The following DNHD1 variants were observed in gnomAD, a reference collection of about 807,000 sequenced individuals.
DNHD1 encodes dynein heavy chain domain-containing protein 1.
In DNHD1, 383 loss-of-function variants were observed where a neutral mutation model predicts 458.1. The observed-to-expected ratio is 0.84, with a 90% CI of 0.77 to 0.91. The LOEUF is 0.91. Among genes scored for constraint, DNHD1 ranks in the 40% least tolerant of loss-of-function variants. DNHD1 has a pLI of 0.00. For synonymous variants in DNHD1, 2,203 were observed against 2,376.9 expected, an observed-to-expected ratio of 0.93 and a Z score of 2.13; for missense variants, 5,336 against 5,866.1, an observed-to-expected ratio of 0.91 and a Z score of 2.95.
intron 14 of DNHD1, among the ~76,000 whole-genome samples, chr11:6,534,593 AGT>A (rs1172870679): frequency 6.6e-6 from 1 of 152,202 alleles, no homozygotes; most frequent in Non-Finnish European, 1.5e-5. Flanking sequence ...TCCTCCAGCC[AGT>A]GTGGTATAGA....
In DNHD1 at chr11:6,565,862, G is replaced by A. The variant is rs1230362580; in HGVS notation, c.10924G>A (p.Glu3642Lys). The change falls in exon 33 of 43, where the codon GAG (glutamate) becomes AAG (lysine). Residue 3642 changes from glutamate to lysine, a missense_variant. Around this residue, in one of 4 missense-constraint regions of DNHD1, gnomAD observed 695 missense variants for 804.2 expected, o/e 0.86. Transcript: ENST00000254579. Reference sequence around the variant, plus strand: ...GCAAGAGGAAAATGAAGAGAAAGAGGAGGAGAAGACAGAGAGCCAGGGGTC... The same window carrying A: ...GCAAGAGGAAAATGAAGAGAAAGAGAAGGAGAAGACAGAGAGCCAGGGGTC... ...KEQEENEEKE[E>K]EKTESQGSKP... is the part of the protein sequence containing the mutation. The A allele has an allele frequency of 6.4e-7, 1 of 1,551,660 alleles. No individual in the cohort carries two copies. Among genetic ancestry groups the A allele is most frequent in the Non-Finnish European group, 8.7e-7 (1 of 1,146,990 alleles).
At chr11:6,568,995 G>A in intron 39 of DNHD1, 129 bp downstream of exon 39, 1 of 1,141,384 alleles carries the variant, frequency 8.8e-7, no homozygotes, top group Non-Finnish European at 1.2e-6. Context: ...GGGAAGTCAA[G>A]GAAGGCTTCT....
rs867022582 is a variant in DNHD1, at chr11:6,556,854, G to A, written c.7559G>A (p.Arg2520Gln). ...CERPLCPRLF[R>Q]LFTVLALESM... is the part of the protein sequence containing the mutation. ...CGCCCACTGTGTCCACGCCTCTTTC[G>A]ACTCTTCACAGTCCTGGCCCTGGAA... Residue 2520 changes from arginine to glutamine, a missense_variant, in exon 25 of 43, where the codon CGA (arginine) becomes CAA (glutamine). This residue lies in a region of DNHD1 where 3,932 missense variants were observed against 4,365.6 expected (regional missense o/e 0.90). Coordinates refer to ENST00000254579, the MANE Select transcript of DNHD1 (RefSeq NM_144666.3). 5.2e-6 allele frequency: 8 copies of A among 1,551,568 alleles called. No homozygotes were observed. In the East Asian group the frequency reaches 1.7e-4, roughly 33 times the overall value.
chr11:6,566,967 G>A lies in DNHD1; in HGVS notation c.11458G>A (p.Val3820Met), dbSNP rs562926080. 2.5e-6 allele frequency: 4 copies of A among 1,613,994 alleles called. No individual in the cohort carries two copies. The highest frequency in any genetic ancestry group is 4.5e-5 in the East Asian group (2 of 44,884). The stretch of plus-strand genomic sequence containing the variant: ...GCCAGCCAAGTTTCTGCGGAACATA[G>A]TGAGGGCCCAAGGAAAGCTATGCCA... ...QKPAKFLRNI[V>M]RAQGKLCQLR... Residue 3820 changes from valine (V) to methionine (M), a missense_variant, in exon 36 of 43, where the codon GTG becomes ATG. By Grantham distance (21) the Val-to-Met change is conservative. Transcript: ENST00000254579.
intron 24 of DNHD1, among the ~76,000 whole-genome samples, chr11:6,555,544 G>A (rs561874831): frequency 6.6e-6 from 1 of 152,154 alleles, no homozygotes; most frequent in African/African-American, 2.4e-5. Context: ...GTTAGGGCAG[G>A]GTTGTTGGCT....
Position 6,570,380 on chromosome 11 carries a change from G to C in DNHD1, c.13089G>C (p.Thr4363=), listed in dbSNP as rs1338296366. The C allele has an allele frequency of 3.1e-6, 5 of 1,609,358 alleles. No individual in the cohort carries two copies. The highest frequency in any genetic ancestry group is 4.2e-6 in the Non-Finnish European group (5 of 1,178,102). Residue 4363 remains threonine, a synonymous_variant, in exon 41 of 43, where the codon ACG becomes ACC. Transcript: ENST00000254579. ...ACACACCTCAGTCTTTGCTGGCCAC[G>C]CTCATGCCCCTCCCAGGTAAGCCTC... ...QPHTPQSLLA[T]LMPLPELREL...
At position 6,571,965 on chromosome 11, in the gene DNHD1, G is replaced by T. The variant is rs746928277; in HGVS notation, c.14241G>T (p.Val4747=). The change falls in exon 43 of 43, where the codon GTG becomes GTT. Residue 4747 remains valine, a synonymous_variant. Coordinates refer to ENST00000254579, the MANE Select transcript of DNHD1 (RefSeq NM_144666.3). The surrounding 1 kb of genome is among the most constrained non-coding windows in gnomAD (Gnocchi z 5.0). The part of the protein sequence containing the change: ...PNTCVQRRVH[V]CSPPLS Reference sequence around the variant, plus strand: ...CCTGTGTCCAAAGGAGGGTCCATGTGTGCAGCCCACCCCTGTCTTGAGCCC... The same window carrying T: ...CCTGTGTCCAAAGGAGGGTCCATGTTTGCAGCCCACCCCTGTCTTGAGCCC... 76 of 1,609,988 alleles carry T rather than the reference G, an allele frequency of 4.7e-5. No homozygotes were observed. In the Admixed American group the frequency reaches 1.3e-3, roughly 27 times the overall value.
intron 24 of DNHD1, among the ~76,000 whole-genome samples, chr11:6,552,529 A>T (rs113730708): frequency 1.9e-4 from 29 of 151,748 alleles, no homozygotes; most frequent in Admixed American, 9.2e-4. Context: ...CGTCCCAAAA[A>T]ATATATATAT....
chr11:6,525,963 G>T (rs1034010080), intron 10 of DNHD1, among the ~76,000 whole-genome samples: 18 of 151,506 alleles, frequency 1.2e-4, no homozygotes, highest in African/African-American at 4.4e-4. Flanking sequence ...TCAAAATGTG[G>T]CTTTATATCT....
rs1853191069 is a variant in DNHD1 at position 6,545,494 on chromosome 11, T to C, written c.4555T>C (p.Trp1519Arg). ...QCVLVAEEVV[W>R]RAEMEEALLE... is the part of the protein sequence containing the mutation. ...TGTGCTGGTGGCAGAGGAGGTGGTA[T>C]GGCGGGCCGAGATGGAGGAGGCTCT... is the stretch of plus-strand genomic sequence containing the variant. The change falls in exon 21 of 43, where the codon TGG (tryptophan) becomes CGG (arginine). Residue 1519 changes from tryptophan to arginine, a missense_variant. Transcript: ENST00000254579. This position sits in a 1 kb window ranked among gnomAD's most constrained non-coding sequence, Gnocchi z 4.9. 5 of 1,551,572 alleles carry C rather than the reference T, an allele frequency of 3.2e-6. No individual in the cohort carries two copies. The highest frequency in any genetic ancestry group is 1.2e-5 in the South Asian group (1 of 84,062).
chr11:6,570,530 C>T lies in DNHD1; in HGVS notation c.13106-88C>T, dbSNP rs1226462791. On this transcript the variant is annotated intron_variant, in intron 41 of 42. Coordinates refer to ENST00000254579, the MANE Select transcript of DNHD1 (RefSeq NM_144666.3). Reference sequence around the variant, plus strand: ...ATTCATACTGTTATGGGGGTGATGGCAGTAAAGGCTCAGAGGAAGGCCTAC... The same window carrying T: ...ATTCATACTGTTATGGGGGTGATGGTAGTAAAGGCTCAGAGGAAGGCCTAC... The T allele has an allele frequency of 4.1e-6, 6 of 1,480,978 alleles. No homozygotes were observed. In the Admixed American group the frequency reaches 9.2e-5, roughly 23 times the overall value. The allele number at this position is 1,480,978 out of a possible 1,614,324, so 91.7% of individuals were successfully genotyped here. A position where few individuals can be genotyped will look rare whatever the true frequency, so the allele number is the denominator to read the frequency against.
Position 6,546,776 on chromosome 11 carries a change from C to G in DNHD1, c.5837C>G (p.Pro1946Arg). Residue 1946 changes from proline (P) to arginine (R), a missense_variant, in exon 21 of 43, where the codon CCT (proline) becomes CGT (arginine). Pro to Arg is a moderately radical substitution (Grantham distance 103, BLOSUM62 -2). This residue lies in a region of DNHD1 where 3,932 missense variants were observed against 4,365.6 expected (regional missense o/e 0.90). Coordinates refer to ENST00000254579, the MANE Select transcript of DNHD1 (RefSeq NM_144666.3). ...FPSASQVLAE[P>R]MTYKLMKPLV... Reference sequence around the variant, plus strand: ...AGCGCCAGCCAAGTGCTGGCAGAACCTATGACTTACAAGCTGATGAAGCCA... The same window carrying G: ...AGCGCCAGCCAAGTGCTGGCAGAACGTATGACTTACAAGCTGATGAAGCCA... The G allele has an allele frequency of 6.4e-7, 1 of 1,551,818 alleles. No individual in the cohort carries two copies.
chr11:6,526,381 C>T (rs939168239), intron 10 of DNHD1, among the ~76,000 whole-genome samples: 1 of 151,882 alleles, frequency 6.6e-6, no homozygotes. Context: ...TTGAAATAGG[C>T]TATAGTTTTG....
At chr11:6,544,476 C>A in intron 19 of DNHD1, 98 bp from the exon 20 acceptor site, 1 of 1,115,090 alleles carries the variant, frequency 9.0e-7, no homozygotes, top group Non-Finnish European at 1.3e-6. Context: ...TTTGCTTGGG[C>A]TGGTGGGGTA....
chr11:6,519,762 A>C lies in DNHD1; in HGVS notation c.1555A>C (p.Lys519Gln). ...QAEAWWLQLG[K>Q]FARLVDYMIC... is the part of the protein sequence containing the mutation. Reference sequence around the variant, plus strand: ...AGAGGCCTGGTGGCTGCAGCTGGGAAAGTTTGCCCGCCTGGTTGACTACAT... The same window carrying C: ...AGAGGCCTGGTGGCTGCAGCTGGGACAGTTTGCCCGCCTGGTTGACTACAT... The change falls in exon 8 of 43, where the codon AAG becomes CAG. Residue 519 changes from lysine to glutamine, a missense_variant. This residue lies in a region of DNHD1 where 3,932 missense variants were observed against 4,365.6 expected (regional missense o/e 0.90). Coordinates refer to ENST00000254579, the MANE Select transcript of DNHD1 (RefSeq NM_144666.3). The C allele has an allele frequency of 6.2e-7, 1 of 1,614,026 alleles. No individual in the cohort carries two copies. Among genetic ancestry groups the C allele is most frequent in the Non-Finnish European group, 8.5e-7 (1 of 1,180,016 alleles).
At position 6,568,254 on chromosome 11, in the gene DNHD1, G is replaced by T. The variant is rs369828934; in HGVS notation, c.12538+12G>T. ...AGGCAGAGCCAAGGGTGAGTTTATT[G>T]CCTAGATTGGCTTCCAGGATCCTAT... On this transcript the variant is annotated intron_variant, in intron 37 of 42. Transcript: ENST00000254579. The T allele has an allele frequency of 9.0e-5, 139 of 1,542,032 alleles. No homozygotes were observed. In the African/African-American group the frequency reaches 1.8e-3, roughly 20 times the overall value.
rs375862770 is a variant in DNHD1, at chr11:6,567,513, C to T, written c.12004C>T (p.Leu4002=). ...MLELLPPFVG[L]CASLAGHSSA... The stretch of plus-strand genomic sequence containing the variant: ...AGAGCTGCTGCCCCCATTTGTTGGC[C>T]TGTGTGCCTCCCTGGCAGGCCACTC... The change falls in exon 36 of 43, where the codon CTG becomes TTG. Residue 4002 remains leucine (L), a synonymous_variant. Coordinates refer to ENST00000254579, the MANE Select transcript of DNHD1 (RefSeq NM_144666.3). 7.9e-5 allele frequency: 128 copies of T among 1,613,520 alleles called. No homozygotes were observed. The highest frequency in any genetic ancestry group is 1.1e-4 in the Non-Finnish European group (126 of 1,179,750).
At position 6,498,837 on chromosome 11, in the gene DNHD1, G is replaced by A; in HGVS notation, c.622G>A (p.Glu208Lys). ...TGTTGGTGCTCAGGTGGCCCTAGAA[G>A]AGGCTGTGTGGCTGGATGGACTTAG... ...GIVGAQVALE[E>K]AVWLDGLSLL... The change falls in exon 3 of 43, where the codon GAG becomes AAG. Residue 208 changes from glutamate to lysine, a missense_variant. Around this residue, in one of 4 missense-constraint regions of DNHD1, gnomAD observed 3,932 missense variants for 4,365.6 expected, o/e 0.90. Coordinates refer to ENST00000254579, the MANE Select transcript of DNHD1 (RefSeq NM_144666.3). 1 of 1,614,252 alleles carries A rather than the reference G, an allele frequency of 6.2e-7. No homozygotes were observed.
At position 6,498,459 on chromosome 11, in the gene DNHD1, C is replaced by T. The variant is rs540595143; in HGVS notation, c.244C>T (p.Arg82Cys). The T allele has an allele frequency of 6.4e-5, 104 of 1,614,184 alleles. 2 individuals are homozygous for T. In the South Asian group the frequency reaches 7.5e-4, roughly 12 times the overall value. The change falls in exon 3 of 43, where the codon CGC becomes TGC. Residue 82 changes from arginine (R) to cysteine (C), a missense_variant. Around this residue, in one of 4 missense-constraint regions of DNHD1, gnomAD observed 3,932 missense variants for 4,365.6 expected, o/e 0.90. Coordinates refer to ENST00000254579, the MANE Select transcript of DNHD1 (RefSeq NM_144666.3). ...VLQDSSPAAW[R>C]YLHAVLGLLP... ...GCAGGACAGTAGCCCTGCAGCTTGGCGCTATCTTCATGCAGTACTGGGTCT... is the reference window on the plus strand; with the variant it reads ...GCAGGACAGTAGCCCTGCAGCTTGGTGCTATCTTCATGCAGTACTGGGTCT...
Sources: gnomAD v4.1 joint callset for allele counts (sites outside exome capture counted in the v4.1 genomes callset) on GRCh38, gnomAD v4.1.1 for gene constraint, gnomAD v4.1.1 regional missense constraint, Gnocchi (gnomAD v3.1) non-coding constraint, MANE v1.5 for transcripts, NCBI Gene and HGNC (gene_info 2026-07-23, HGNC 2026-07-21) for gene names.